The following MCC variants were observed in gnomAD, a reference collection of about 807,000 sequenced individuals.
MCC encodes the protein colorectal mutant cancer protein.
MCC carries 90 observed loss-of-function variants against 116.2 expected under a neutral mutation model. That is an observed-to-expected ratio of 0.77 (90% CI 0.65 to 0.92). MCC has a LOEUF of 0.92. MCC is among the 40% of genes least tolerant of loss of function. MCC has a pLI of 0.00. For missense variants in MCC, 1,516 were observed against 1,312.2 expected (o/e 1.16, Z -2.40); for synonymous variants, 578 against 510.5 (o/e 1.13, Z -1.78).
chr5:113,050,777 G>T (rs150157194), intron 15 of MCC, among the ~76,000 whole-genome samples: 9 of 152,242 alleles, frequency 5.9e-5, no homozygotes, highest in Admixed American at 5.9e-4. Flanking sequence ...AGGGAACTCT[G>T]CCAGAGAGAA....
chr5:113,352,503 A>G (rs1419773663), intron 2 of MCC, among the ~76,000 whole-genome samples: 1 of 152,240 alleles, frequency 6.6e-6, no homozygotes, highest in East Asian at 1.9e-4. Flanking sequence ...TTGAGAACTC[A>G]CTAAGTAATA....
At chr5:113,460,850 C>A (rs879731404) in intron 1 of MCC, among the ~76,000 whole-genome samples, 30 of 152,240 alleles carry the variant, frequency 2.0e-4, no homozygotes, top group Non-Finnish European at 3.8e-4. Context: ...CACAACAGAA[C>A]TGCAGAATCT....
At chr5:113,333,714 T>C (rs1057481462) in intron 3 of MCC, among the ~76,000 whole-genome samples, 3 of 147,788 alleles carry the variant, frequency 2.0e-5, no homozygotes, top group Admixed American at 6.8e-5. Flanking sequence ...CATGAAACAG[T>C]GCACTTCCCC....
intron 3 of MCC, among the ~76,000 whole-genome samples, chr5:113,285,522 C>CT (rs1189690636): frequency 3.3e-5 from 5 of 152,144 alleles, no homozygotes; most frequent in African/African-American, 1.2e-4. Flanking sequence ...GCTCACTCTG[C>CT]TCCCAGTCAT....
rs761564595 is a variant in MCC, at chr5:113,101,735, T to C, written c.1398+4A>G. 1.2e-6 allele frequency: 2 copies of C among 1,612,854 alleles called. No individual in the cohort carries two copies. The highest frequency in any genetic ancestry group is 1.1e-5 in the South Asian group (1 of 91,078). On this transcript the variant is annotated splice_donor_region_variant and intron_variant, in intron 8 of 18. Coordinates refer to ENST00000408903, the MANE Select transcript of MCC (RefSeq NM_001085377.2). Reference sequence around the variant, plus strand: ...CCTGACCATTATGGATGCAGCATGCTCACCCTCCTCCGGAGCCGGTCCCGC... The same window carrying C: ...CCTGACCATTATGGATGCAGCATGCCCACCCTCCTCCGGAGCCGGTCCCGC...
At chr5:113,266,417 T>C (rs1479295794) in intron 3 of MCC, among the ~76,000 whole-genome samples, 3 of 152,222 alleles carry the variant, frequency 2.0e-5, no homozygotes, top group African/African-American at 7.2e-5. Context: ...TTCTTACACA[T>C]ACAGCCAGAG....
chr5:113,133,660 T>A (rs954715193), intron 5 of MCC, among the ~76,000 whole-genome samples: 3 of 152,184 alleles, frequency 2.0e-5, no homozygotes, highest in African/African-American at 7.2e-5. Context: ...AATTACTGGA[T>A]CATATGGTAG....
At position 113,482,527 on chromosome 5, in the gene MCC, T is replaced by C. The variant is rs1185223372; in HGVS notation, c.170+5718A>G. Reference sequence around the variant, plus strand: ...GTGGCTAATGATGTTGAGCATCTTTTCGTGTGCATATTGGCTATGTGTATG... The same window carrying C: ...GTGGCTAATGATGTTGAGCATCTTTCCGTGTGCATATTGGCTATGTGTATG... On this transcript the variant is annotated intron_variant, in intron 1 of 18. Coordinates refer to ENST00000408903, the MANE Select transcript of MCC (RefSeq NM_001085377.2). 2.6e-5 allele frequency among the ~76,000 whole-genome samples: 4 copies of C among 152,218 alleles called. 1 individual carries two copies. Among genetic ancestry groups the C allele is most frequent in the Admixed American group, 1.3e-4 (2 of 15,276 alleles).
At chr5:113,421,205 T>C (rs1481383367) in intron 1 of MCC, among the ~76,000 whole-genome samples, 1 of 151,980 alleles carries the variant, frequency 6.6e-6, no homozygotes, top group Admixed American at 6.6e-5. Context: ...TTGTATTTTT[T>C]AGTAGAAACG....
At chr5:113,481,990 T>A (rs13436825) in intron 1 of MCC, among the ~76,000 whole-genome samples, 26,827 of 152,196 alleles carry the variant, frequency 0.18, 2,496 homozygotes, top group Non-Finnish European at 0.2. Context: ...TCTATAGACA[T>A]TTCACATAAA....
intron 14 of MCC, among the ~76,000 whole-genome samples, chr5:113,056,912 C>A (rs1241868364): frequency 6.6e-6 from 1 of 152,076 alleles, no homozygotes; most frequent in Admixed American, 6.6e-5. Flanking sequence ...AATACACAGT[C>A]CATGAGATGG....
intron 3 of MCC, among the ~76,000 whole-genome samples, chr5:113,296,801 C>G (rs1315456855): frequency 6.6e-6 from 1 of 152,114 alleles, no homozygotes; most frequent in Non-Finnish European, 1.5e-5. Context: ...TCATGAGTAA[C>G]TAATATGAAC....
chr5:113,404,427 G>C (rs1364749432), intron 1 of MCC, among the ~76,000 whole-genome samples: 1 of 152,168 alleles, frequency 6.6e-6, no homozygotes, highest in Non-Finnish European at 1.5e-5. Flanking sequence ...AGTCACCAAT[G>C]TAACACTGTG....
intron 14 of MCC, among the ~76,000 whole-genome samples, chr5:113,063,136 AC>A (rs1753338779): frequency 6.6e-6 from 1 of 152,168 alleles, no homozygotes; most frequent in Non-Finnish European, 1.5e-5. Context: ...GGAGTAAGTT[AC>A]CCTTCCAAGT....
At chr5:113,041,003 C>T (rs1751673110) in intron 17 of MCC, among the ~76,000 whole-genome samples, 1 of 152,170 alleles carries the variant, frequency 6.6e-6, no homozygotes, top group African/African-American at 2.4e-5. Flanking sequence ...GGATTTCCAT[C>T]CCGTGTTTCT....
At position 113,024,053 on chromosome 5, in the gene MCC, C is replaced by A. The variant is rs534980263; in HGVS notation, c.*3249G>T. On this transcript the variant is annotated 3_prime_UTR_variant, in exon 19 of 19. Transcript: ENST00000408903. ...TTCCTTAGAGTGGTAACTTTCTTTA[C>A]TACTCCTTAACAGCTTTTAAGAAAA... is the stretch of plus-strand genomic sequence containing the variant. 1 of 151,908 alleles carries A rather than the reference C, an allele frequency of 6.6e-6. No individual in the cohort carries two copies. Among genetic ancestry groups the A allele is most frequent in the Non-Finnish European group, 1.5e-5 (1 of 67,984 alleles). The allele number at this position is 151,908 out of a possible 1,614,324, so 9.4% of individuals were successfully genotyped here.
At chr5:113,372,084 T>C (rs1013879229) in intron 2 of MCC, among the ~76,000 whole-genome samples, 1 of 152,034 alleles carries the variant, frequency 6.6e-6, no homozygotes, top group Non-Finnish European at 1.5e-5. Flanking sequence ...AGAGAGAAAA[T>C]AGATGAACAA....
intron 3 of MCC, among the ~76,000 whole-genome samples, chr5:113,244,196 G>C (rs1028570234): frequency 1.3e-5 from 2 of 152,132 alleles, no homozygotes; most frequent in African/African-American, 2.4e-5. Context: ...CCCCCAAATA[G>C]CATATGTAAT....
Position 113,159,167 on chromosome 5 carries a change from A to G in MCC, c.628-7745T>C, listed in dbSNP as rs571031594. On this transcript the variant is annotated intron_variant, in intron 3 of 18. Transcript: ENST00000408903. ...TTCTGTGCTTTTTTGTCCTCTGTAG[A>G]AGGGTTTGTATCGGATTACCTCTAA... 7.4e-4 allele frequency among the ~76,000 whole-genome samples: 112 copies of G among 152,190 alleles called. 2 individuals carry two copies. Among genetic ancestry groups the G allele is most frequent in the African/African-American group, 2.3e-3 (95 of 41,536 alleles).
Sources: allele counts gnomAD v4.1 joint callset (sites outside exome capture counted in the v4.1 genomes callset), GRCh38; gene constraint gnomAD v4.1.1; transcripts MANE v1.5; gene names NCBI Gene and HGNC (gene_info 2026-07-23, HGNC 2026-07-21).